Variants in CDH12 observed in about 807,000 individuals in gnomAD.
CDH12 encodes the protein cadherin 12.
CDH12 carries 41 observed loss-of-function variants against 74.1 expected under a neutral mutation model. The ratio of observed to expected loss-of-function variants is 0.55; its 90% CI spans 0.43 to 0.72. The LOEUF is 0.72. CDH12 is among the 30% of genes least tolerant of loss of function. The probability of loss-of-function intolerance (pLI) is 0.00; values close to 1 mark genes in which losing one functional copy is unlikely to be tolerated. For missense variants in CDH12, 945 were observed against 977.2 expected (o/e 0.97, Z 0.44); for synonymous variants, 399 against 355.0 (o/e 1.12, Z -1.39).
chr5:22,352,234 T>A (rs1030949027), intron 3 of CDH12, among the ~76,000 whole-genome samples: 1 of 152,100 alleles, frequency 6.6e-6, no homozygotes, highest in Non-Finnish European at 1.5e-5. Context: ...TGGTATCTGC[T>A]AGCAATAAAA....
intron 8 of CDH12, among the ~76,000 whole-genome samples, chr5:21,827,585 T>A (rs1445032651): frequency 5.9e-5 from 9 of 152,204 alleles, no homozygotes; most frequent in African/African-American, 2.2e-4. Flanking sequence ...ACTATAGTTC[T>A]ACTACTTATT....
chr5:22,208,780 C>T (rs928790253), intron 4 of CDH12, among the ~76,000 whole-genome samples: 5 of 152,248 alleles, frequency 3.3e-5, no homozygotes, highest in Middle Eastern at 3.4e-3. Flanking sequence ...GTGGAAACAC[C>T]TATGCATTGT....
At chr5:22,382,083 G>C (rs1741780171) in intron 3 of CDH12, among the ~76,000 whole-genome samples, 1 of 145,026 alleles carries the variant, frequency 6.9e-6, no homozygotes, top group Non-Finnish European at 1.5e-5. Context: ...TAATATAATA[G>C]AAATATGATA....
intron 6 of CDH12, among the ~76,000 whole-genome samples, chr5:21,934,773 C>A (rs1428542446): frequency 2.0e-5 from 3 of 151,864 alleles, no homozygotes; most frequent in Non-Finnish European, 4.4e-5. Context: ...TCCCCCTTTC[C>A]CTCCACATTC....
Position 22,142,504 on chromosome 5 carries a change from C to T in CDH12, c.-186-63642G>A, listed in dbSNP as rs1746869906. The T allele has an allele frequency of 7.6e-6, 5 of 660,154 alleles. 1 individual carries two copies. Among genetic ancestry groups the T allele is most frequent in the South Asian group, 2.8e-5 (2 of 70,318 alleles). The allele number at this position is 660,154 out of a possible 1,614,324, so 40.9% of individuals were successfully genotyped here. ...CAGCTGAGAATGGGGTTCAGGATAC[C>T]GAATCAACACAAGAAAAGAGAGAAA... is the stretch of plus-strand genomic sequence containing the variant. On this transcript the variant is annotated intron_variant, in intron 4 of 14. Coordinates refer to ENST00000382254, the MANE Select transcript of CDH12 (RefSeq NM_004061.5).
At chr5:21,852,726 C>G (rs748714635) in intron 7 of CDH12, among the ~76,000 whole-genome samples, 2 of 151,334 alleles carry the variant, frequency 1.3e-5, no homozygotes, top group Non-Finnish European at 3.0e-5. Flanking sequence ...TCATTGTAAT[C>G]CAGTAAGTGA....
At chr5:21,755,879 T>A (rs191447553) in intron 13 of CDH12, 37 bp from the exon 14 acceptor site, 2 of 1,604,188 alleles carry the variant, frequency 1.2e-6, no homozygotes, top group African/African-American at 2.7e-5. Flanking sequence ...ATGGTTACTA[T>A]AAGCTTCACT....
intron 1 of CDH12, among the ~76,000 whole-genome samples, chr5:22,666,272 ATCTC>A (rs1345110832): frequency 3.7e-5 from 5 of 134,922 alleles, no homozygotes; most frequent in Non-Finnish European, 3.1e-5. Flanking sequence ...GGATTTCTGT[ATCTC>A]TCTATCTTTT....
chr5:22,842,072 T>C (rs1737103374), intron 1 of CDH12, among the ~76,000 whole-genome samples: 1 of 152,014 alleles, frequency 6.6e-6, no homozygotes, highest in Non-Finnish European at 1.5e-5. Flanking sequence ...CTCAAACAGG[T>C]TATATTTGAA....
intron 4 of CDH12, among the ~76,000 whole-genome samples, chr5:22,133,943 G>A (rs1746318954): frequency 6.6e-6 from 1 of 152,038 alleles, no homozygotes; most frequent in Non-Finnish European, 1.5e-5. Context: ...GGATAATGGT[G>A]GAAGATGAGG....
chr5:21,969,443 TATAA>T (rs1318524291), intron 6 of CDH12, among the ~76,000 whole-genome samples: 1 of 152,112 alleles, frequency 6.6e-6, no homozygotes, highest in Non-Finnish European at 1.5e-5. Flanking sequence ...AAGATTAGGT[TATAA>T]ATAGACTATG....
chr5:22,823,783 GCT>G (rs1561057292), intron 1 of CDH12, among the ~76,000 whole-genome samples: 1 of 151,852 alleles, frequency 6.6e-6, no homozygotes, highest in African/African-American at 2.4e-5. Flanking sequence ...AGGGCTTTTT[GCT>G]CTCTCTTTGC....
chr5:22,268,680 A>G (rs969063316), intron 3 of CDH12, among the ~76,000 whole-genome samples: 5 of 152,082 alleles, frequency 3.3e-5, no homozygotes, highest in Admixed American at 2.0e-4. Context: ...TTTTATTTTT[A>G]TAATTATTTA....
intron 4 of CDH12, among the ~76,000 whole-genome samples, chr5:22,086,689 T>C (rs531703427): frequency 5.7e-4 from 85 of 150,202 alleles, no homozygotes; most frequent in South Asian, 3.7e-3. Flanking sequence ...TGGCTGCTAC[T>C]AGTTTTACTG....
intron 3 of CDH12, among the ~76,000 whole-genome samples, chr5:22,361,058 T>C (rs554945143): frequency 1.4e-4 from 22 of 152,186 alleles, no homozygotes; most frequent in African/African-American, 4.8e-4. Context: ...CTATTCAACA[T>C]AGTGTTGGAA....
chr5:22,261,466 C>G (rs920833229), intron 3 of CDH12, among the ~76,000 whole-genome samples: 1 of 151,920 alleles, frequency 6.6e-6, no homozygotes, highest in African/African-American at 2.4e-5. Flanking sequence ...GATATTGCTA[C>G]AGTTGAAGTA....
At chr5:22,185,789 C>A (rs1749907508) in intron 4 of CDH12, among the ~76,000 whole-genome samples, 1 of 152,160 alleles carries the variant, frequency 6.6e-6, no homozygotes, top group Non-Finnish European at 1.5e-5. Flanking sequence ...TTTGGGAAAT[C>A]AGTTCCATTT....
At chr5:22,227,459 T>C (rs1291876329) in intron 3 of CDH12, among the ~76,000 whole-genome samples, 1 of 152,122 alleles carries the variant, frequency 6.6e-6, no homozygotes, top group Non-Finnish European at 1.5e-5. Flanking sequence ...AATAATTTGT[T>C]TGATTTTTTC....
Position 22,315,119 on chromosome 5 carries a change from C to CTTTTT in CDH12, c.-333+90133_-333+90137dup, listed in dbSNP as rs70959715. On this transcript the variant is annotated intron_variant, in intron 3 of 14. Coordinates refer to ENST00000382254, the MANE Select transcript of CDH12 (RefSeq NM_004061.5). ...GGCGCCTGCCACCGTGCCTGCCTGG[C>CTTTTT]TTTTTTTTTTTTTTTTTTTTTTTTA... 3.0e-3 allele frequency among the ~76,000 whole-genome samples: 68 copies of CTTTTT among 22,982 alleles called. 12 individuals carry two copies. The highest frequency in any genetic ancestry group is 5.1e-3 in the African/African-American group (23 of 4,520). The allele number at this position is 22,982 out of a possible 152,430, so 15.1% of individuals were successfully genotyped here.
Sources: allele counts gnomAD v4.1 joint callset (sites outside exome capture counted in the v4.1 genomes callset), GRCh38; gene constraint gnomAD v4.1.1; transcripts MANE v1.5; gene names NCBI Gene and HGNC (gene_info 2026-07-23, HGNC 2026-07-21).